Variants in TMEM198 observed in about 807,000 individuals in gnomAD.
TMEM198 encodes the protein transmembrane protein 198.
A neutral mutation model predicts 31.5 loss-of-function variants in TMEM198; 21 were observed. That is an observed-to-expected ratio of 0.67 (90% CI 0.47 to 0.96). TMEM198 has a LOEUF of 0.96. Among genes scored for constraint, TMEM198 ranks in the 40% least tolerant of loss-of-function variants. The pLI, the probability that TMEM198 is intolerant of heterozygous loss-of-function variation, is 0.00. For synonymous variants in TMEM198, 211 were observed against 223.3 expected, an observed-to-expected ratio of 0.95 and a Z score of 0.49; for missense variants, 447 against 499.4, an observed-to-expected ratio of 0.89 and a Z score of 1.00.
At position 219,548,008 on chromosome 2, in the gene TMEM198, C is replaced by T. The variant is rs1436947091; in HGVS notation, c.669C>T (p.Leu223=). The T allele has an allele frequency of 1.3e-6, 2 of 1,589,588 alleles. No homozygotes were observed. Among genetic ancestry groups the T allele is most frequent in the African/African-American group, 2.7e-5 (2 of 74,680 alleles). ...LCWRSWALLA[L]WPLLSLMGVL... Reference sequence around the variant, plus strand: ...GGCGAAGCTGGGCCCTGCTGGCACTCTGGCCCCTGCTCAGCCTGATGGGCG... The same window carrying T: ...GGCGAAGCTGGGCCCTGCTGGCACTTTGGCCCCTGCTCAGCCTGATGGGCG... Residue 223 remains leucine (L), a synonymous_variant, in exon 3 of 5, where the codon CTC becomes CTT. Transcript: ENST00000373883.
chr2:219,547,318 C>T (rs996082016), intron 2 of TMEM198, 188 bp from the exon 3 acceptor site: 9 of 476,478 alleles, frequency 1.9e-5, no homozygotes, highest in Non-Finnish European at 3.3e-5. Context: ...AGCCATATCT[C>T]TCTAACCTCC....
intron 4 of TMEM198, 75 bp from the exon 5 acceptor site, chr2:219,549,642 T>G (rs571788439): frequency 6.3e-7 from 1 of 1,587,876 alleles, no homozygotes; most frequent in East Asian, 2.2e-5. Flanking sequence ...GTCAGGCTTG[T>G]GGGAATTCAG....
upstream of TMEM198, chr2:219,543,890 C>A (rs563464146): frequency 4.9e-5 from 17 of 349,674 alleles, no homozygotes; most frequent in East Asian, 1.3e-3. Context: ...GGGGAAGGAC[C>A]CCCGGAAGTG....
At chr2:219,546,861 C>T (rs1235883039) in intron 2 of TMEM198, among the ~76,000 whole-genome samples, 2 of 150,440 alleles carry the variant, frequency 1.3e-5, no homozygotes, top group African/African-American at 2.5e-5. Context: ...GCACTGCAAC[C>T]TCTGCCTCCT....
At chr2:219,545,837 G>A (rs1308094077) in intron 2 of TMEM198, among the ~76,000 whole-genome samples, 2 of 152,102 alleles carry the variant, frequency 1.3e-5, no homozygotes, top group African/African-American at 4.8e-5. Context: ...CCTGCAATGG[G>A]TGGGTAGACA....
At chr2:219,549,117 T>G (rs754281283) in intron 3 of TMEM198, 35 bp from the exon 4 acceptor site, 1 of 1,611,778 alleles carries the variant, frequency 6.2e-7, no homozygotes, top group East Asian at 2.2e-5. Context: ...AGGCGCACCG[T>G]CCTCTGAGCT....
Position 219,547,915 on chromosome 2 carries a change from C to T in TMEM198, c.576C>T (p.Ala192=), listed in dbSNP as rs1376383951. ...TCGCCACTGCCGCTGACTACTTCGCCGAGCTGCTACTGCTGGGGCGCTACG... is the reference window on the plus strand; with the variant it reads ...TCGCCACTGCCGCTGACTACTTCGCTGAGCTGCTACTGCTGGGGCGCTACG... ...ALIATAADYF[A]ELLLLGRYVV... is the part of the protein sequence containing the mutation. Residue 192 remains alanine, a synonymous_variant, in exon 3 of 5, where the codon GCC becomes GCT. Transcript: ENST00000373883. The T allele has an allele frequency of 2.4e-5, 38 of 1,595,884 alleles. No individual in the cohort carries two copies. The highest frequency in any genetic ancestry group is 3.3e-5 in the South Asian group (3 of 90,328).
Position 219,549,838 on chromosome 2 carries a change from C to T in TMEM198, c.1067C>T (p.Pro356Leu). ...SRGPLTACSG[P>L]PVRV ...GGACCTCTGACAGCCTGCTCAGGCC[C>T]CCCAGTGCGGGTATAGCCATATCTG... is the stretch of plus-strand genomic sequence containing the variant. Residue 356 changes from proline to leucine, a missense_variant, in exon 5 of 5, where the codon CCC becomes CTC. Pro to Leu is a moderately conservative substitution (Grantham distance 98). Coordinates refer to ENST00000373883, the MANE Select transcript of TMEM198 (RefSeq NM_001005209.3). 2 of 1,614,084 alleles carry T rather than the reference C, an allele frequency of 1.2e-6. No homozygotes were observed. The highest frequency in any genetic ancestry group is 2.7e-5 in the African/African-American group (2 of 75,038).
chr2:219,546,778 CTTTTTTTT>C (rs397987890), intron 2 of TMEM198, among the ~76,000 whole-genome samples: 2 of 127,254 alleles, frequency 1.6e-5, no homozygotes, highest in Admixed American at 8.3e-5. Context: ...TCTCAAGTTT[CTTTTTTTT>C]TTTTTTTTTG....
chr2:219,548,169 C>A, intron 3 of TMEM198, 88 bp downstream of exon 3: 3 of 1,224,120 alleles, frequency 2.5e-6, no homozygotes, highest in South Asian at 1.6e-5. Context: ...TGGGGGACAG[C>A]AGCAGAAGGC....
In TMEM198 at chr2:219,550,084, G is replaced by A; in HGVS notation, c.*230G>A. On this transcript the variant is annotated 3_prime_UTR_variant, in exon 5 of 5. Coordinates refer to ENST00000373883, the MANE Select transcript of TMEM198 (RefSeq NM_001005209.3). Reference sequence around the variant, plus strand: ...AACTCGGGGTGTGAACCCCATTGGGGTGTGCTCAGGGTTGTGAGTGTGTTG... The same window carrying A: ...AACTCGGGGTGTGAACCCCATTGGGATGTGCTCAGGGTTGTGAGTGTGTTG... 1.8e-6 allele frequency: 1 copy of A among 561,350 alleles called. No individual in the cohort carries two copies. Among genetic ancestry groups the A allele is most frequent in the South Asian group, 2.5e-5 (1 of 40,048 alleles). 34.8% of individuals were successfully genotyped at this position (561,350 alleles called of 1,614,324 possible).
rs1437705214 is a variant in TMEM198 at position 219,547,760 on chromosome 2, T to C, written c.421T>C (p.Tyr141His). The change falls in exon 3 of 5, where the codon TAC becomes CAC. Residue 141 changes from tyrosine to histidine, a missense_variant. Transcript: ENST00000373883. ...TGCCCTGCTGGGCTCCGCACCCTACTACCAGCCAGGCTCCGTGTGGGGTCC... is the reference window on the plus strand; with the variant it reads ...TGCCCTGCTGGGCTCCGCACCCTACCACCAGCCAGGCTCCGTGTGGGGTCC... Reference protein sequence around the residue: ...AAALLGSAPYYQPGSVWGPLG... With the variant: ...AAALLGSAPYHQPGSVWGPLG... The C allele has an allele frequency of 3.1e-6, 5 of 1,594,300 alleles. No homozygotes were observed. The highest frequency in any genetic ancestry group is 2.2e-5 in the East Asian group (1 of 44,680).
chr2:219,550,068 T>TTCACACCCCGA lies in TMEM198; in HGVS notation c.*214_*215insTCACACCCCGA. The TTCACACCCCGA allele has an allele frequency of 1.6e-6, 1 of 611,366 alleles. No homozygotes were observed. Among genetic ancestry groups the TTCACACCCCGA allele is most frequent in the Non-Finnish European group, 2.8e-6 (1 of 357,966 alleles). The allele number at this position is 611,366 out of a possible 1,614,324, so 37.9% of individuals were successfully genotyped here. A position where few individuals can be genotyped will look rare whatever the true frequency, so the allele number is the denominator to read the frequency against. On this transcript the variant is annotated 3_prime_UTR_variant, in exon 5 of 5. Transcript: ENST00000373883. ...CAAGAGGCTCCTGAGGAACTCGGGG[T>TTCACACCCCGA]GTGAACCCCATTGGGGTGTGCTCAG...
chr2:219,548,711 A>G (rs752294120), intron 3 of TMEM198, among the ~76,000 whole-genome samples: 15 of 152,180 alleles, frequency 9.9e-5, no homozygotes, highest in Non-Finnish European at 1.6e-4. Flanking sequence ...TAGAAGGGCA[A>G]TAAGACTTTA....
At position 219,549,238 on chromosome 2, in the gene TMEM198, C is replaced by G; in HGVS notation, c.829C>G (p.Pro277Ala). 1 of 1,614,002 alleles carries G rather than the reference C, an allele frequency of 6.2e-7. No homozygotes were observed. Among genetic ancestry groups the G allele is most frequent in the Non-Finnish European group, 8.5e-7 (1 of 1,180,030 alleles). The change falls in exon 4 of 5, where the codon CCT (proline) becomes GCT (alanine). Residue 277 changes from proline (P) to alanine (A), a missense_variant. Physicochemically the swap from Pro to Ala is conservative, Grantham distance 27. Transcript: ENST00000373883. ...DRKEKRRKKRPPRAPLRGPRA... is the reference protein window; with the variant it reads ...DRKEKRRKKRAPRAPLRGPRA... The stretch of plus-strand genomic sequence containing the variant: ...CAAGGAGAAAAGGCGGAAAAAGAGA[C>G]CTCCTCGGGCTCCCCTCAGAGGTCC...
At position 219,550,109 on chromosome 2, in the gene TMEM198, G is replaced by T. The variant is rs1022048989; in HGVS notation, c.*255G>T. 4 of 472,596 alleles carry T rather than the reference G, an allele frequency of 8.5e-6. No individual in the cohort carries two copies. The highest frequency in any genetic ancestry group is 1.5e-5 in the Non-Finnish European group (4 of 264,938). The allele number at this position is 472,596 out of a possible 1,614,324, so 29.3% of individuals were successfully genotyped here. On this transcript the variant is annotated 3_prime_UTR_variant, in exon 5 of 5. Coordinates refer to ENST00000373883, the MANE Select transcript of TMEM198 (RefSeq NM_001005209.3). Reference sequence around the variant, plus strand: ...GTGTGCTCAGGGTTGTGAGTGTGTTGCCCGTGTGTCTGTGTGTATGTGTGT... The same window carrying T: ...GTGTGCTCAGGGTTGTGAGTGTGTTTCCCGTGTGTCTGTGTGTATGTGTGT...
chr2:219,550,290 C>T lies in TMEM198; in HGVS notation c.*436C>T, dbSNP rs907468937. ...GCGGAGGGGCTACCTTCCTTCCCAT[C>T]GCCCTGCCTCGCAGCCAGACTCATC... On this transcript the variant is annotated 3_prime_UTR_variant, in exon 5 of 5. Transcript: ENST00000373883. 2 of 182,962 alleles carry T rather than the reference C, an allele frequency of 1.1e-5. No homozygotes were observed. The highest frequency in any genetic ancestry group is 1.5e-4 in the South Asian group (1 of 6,812). 11.3% of individuals were successfully genotyped at this position (182,962 alleles called of 1,614,324 possible). A position where few individuals can be genotyped will look rare whatever the true frequency, so the allele number is the denominator to read the frequency against.
intron 3 of TMEM198, among the ~76,000 whole-genome samples, chr2:219,548,840 G>A (rs1252952359): frequency 1.3e-5 from 2 of 152,164 alleles, no homozygotes; most frequent in East Asian, 3.9e-4. Flanking sequence ...AACCAGTGAA[G>A]AAGCAGCTGT....
rs1472143961 is a variant in TMEM198 at position 219,549,776 on chromosome 2, C to T, written c.1005C>T (p.Ala335=). 3 of 1,614,020 alleles carry T rather than the reference C, an allele frequency of 1.9e-6. No homozygotes were observed. Among genetic ancestry groups the T allele is most frequent in the African/African-American group, 1.3e-5 (1 of 74,918 alleles). Residue 335 remains alanine (A), a synonymous_variant, in exon 5 of 5, where the codon GCC becomes GCT. Coordinates refer to ENST00000373883, the MANE Select transcript of TMEM198 (RefSeq NM_001005209.3). ...GGAGCTCCCTGAGCTCCTTCATGGC[C>T]TCACCCACAGATGCGGACTATGAGT... is the stretch of plus-strand genomic sequence containing the variant. The part of the protein sequence containing the change: ...QTGSSLSSFM[A]SPTDADYEYG...
Sources: gnomAD v4.1 joint callset for allele counts (sites outside exome capture counted in the v4.1 genomes callset) on GRCh38, gnomAD v4.1.1 for gene constraint, MANE v1.5 for transcripts, NCBI Gene and HGNC (gene_info 2026-07-23, HGNC 2026-07-21) for gene names.